The following WFDC11 variants were observed in gnomAD, a reference collection of about 807,000 sequenced individuals.
WFDC11 encodes the protein WAP four-disulfide core domain 11, also known as protein WFDC11.
In WFDC11, 9 loss-of-function variants were observed where a neutral mutation model predicts 9.9. That is an observed-to-expected ratio of 0.91 (90% CI 0.55 to 1.58). The LOEUF (loss-of-function observed/expected upper bound fraction) is 1.58. WFDC11 is among the 40% of genes most tolerant of loss of function. The pLI is 0.00. For synonymous variants in WFDC11, 32 were observed against 33.3 expected (o/e 0.96, Z 0.13); for missense variants, 106 against 101.7 (o/e 1.04, Z -0.18).
chr20:45,659,901 A>T (rs1473818096), intron 2 of WFDC11, among the ~76,000 whole-genome samples: 2 of 152,082 alleles, frequency 1.3e-5, no homozygotes, highest in Non-Finnish European at 2.9e-5. Flanking sequence ...TAAGGTTAAG[A>T]AAAGGATCCA....
chr20:45,669,953 A>G (rs1391103024), intron 1 of WFDC11, among the ~76,000 whole-genome samples: 1 of 152,140 alleles, frequency 6.6e-6, no homozygotes, highest in Non-Finnish European at 1.5e-5. Context: ...GAAAATCCAG[A>G]TAAACACAAT....
chr20:45,662,156 A>C (rs1983083466), intron 2 of WFDC11, among the ~76,000 whole-genome samples: 1 of 152,068 alleles, frequency 6.6e-6, no homozygotes, highest in African/African-American at 2.4e-5. Context: ...TTGGATACCT[A>C]GGTATTTTAT....
chr20:45,650,709 G>T, intron 2 of WFDC11, 58 bp from the exon 3 acceptor site: 1 of 906,220 alleles, frequency 1.1e-6, no homozygotes. Flanking sequence ...GAAAGTGCTT[G>T]TCGAATTTCT....
At chr20:45,655,821 C>A (rs1982917391) in intron 2 of WFDC11, among the ~76,000 whole-genome samples, 1 of 152,154 alleles carries the variant, frequency 6.6e-6, no homozygotes. Context: ...CATGAGTGAA[C>A]TCCCATTCAC....
rs571409176 is a variant in WFDC11, at chr20:45,660,903, A to G, written c.-52+6185T>C. ...CGTGTGCATGTGTCTTTATAGCAGC[A>G]TGACTTATATTCCTTTGGGTATATA... On this transcript the variant is annotated intron_variant, in intron 2 of 4. Transcript: ENST00000324384. Among the ~76,000 whole-genome samples, 839 of 152,314 alleles carry G rather than the reference A, an allele frequency of 5.5e-3. 6 individuals carry two copies. The highest frequency in any genetic ancestry group is 0.019 in the African/African-American group (805 of 41,566).
In WFDC11 at chr20:45,649,243, A is replaced by T; in HGVS notation, c.243+14T>A. 1.9e-6 allele frequency: 3 copies of T among 1,613,800 alleles called. No individual in the cohort carries two copies. Among genetic ancestry groups the T allele is most frequent in the South Asian group, 1.1e-5 (1 of 90,956 alleles). On this transcript the variant is annotated intron_variant, in intron 4 of 4. Transcript: ENST00000324384. Reference sequence around the variant, plus strand: ...AGTGAAGATATACACCCAAGCAAACATCTCCCAACTCACGACGTTTATCCA... The same window carrying T: ...AGTGAAGATATACACCCAAGCAAACTTCTCCCAACTCACGACGTTTATCCA...
chr20:45,657,098 A>ATTATAAATCATG (rs1462507328), intron 2 of WFDC11, among the ~76,000 whole-genome samples: 2 of 152,194 alleles, frequency 1.3e-5, no homozygotes, highest in Non-Finnish European at 2.9e-5. Context: ...TACCCAAAGG[A>ATTATAAATCATG]TTATAAATCA....
chr20:45,665,650 T>C lies in WFDC11; in HGVS notation c.-52+1438A>G, dbSNP rs1462467421. On this transcript the variant is annotated intron_variant, in intron 2 of 4. Transcript: ENST00000324384. ...GTTGATGCTATTCCTTTCTGTTTGT[T>C]AGTTTTCCTTCTAATAGTCAGGTCC... 2.6e-5 allele frequency among the ~76,000 whole-genome samples: 4 copies of C among 152,344 alleles called. No homozygotes were observed. In the East Asian group the frequency reaches 7.7e-4, roughly 29 times the overall value.
intron 2 of WFDC11, among the ~76,000 whole-genome samples, chr20:45,655,874 A>T (rs1201508912): frequency 6.6e-6 from 1 of 152,216 alleles, no homozygotes; most frequent in Non-Finnish European, 1.5e-5. Flanking sequence ...TCCAACTTAC[A>T]ATGGACATGA....
Position 45,657,139 on chromosome 20 carries a change from T to C in WFDC11, c.-51-6488A>G, listed in dbSNP as rs529287177. Among the ~76,000 whole-genome samples, 713 of 152,214 alleles carry C rather than the reference T, an allele frequency of 4.7e-3. 5 individuals are homozygous for C. The highest frequency in any genetic ancestry group is 0.016 in the African/African-American group (680 of 41,502). On this transcript the variant is annotated intron_variant, in intron 2 of 4. Coordinates refer to ENST00000324384, the MANE Select transcript of WFDC11 (RefSeq NM_147197.2). The stretch of plus-strand genomic sequence containing the variant: ...CTATAAAGACACATGCACACGTATG[T>C]TTATTGAGGCACTATTCACAATAGC...
At chr20:45,653,246 A>G (rs1982850745) in intron 2 of WFDC11, among the ~76,000 whole-genome samples, 1 of 152,220 alleles carries the variant, frequency 6.6e-6, no homozygotes, top group African/African-American at 2.4e-5. Context: ...GAAACTCTAC[A>G]AGCCAGAAGA....
At chr20:45,665,359 A>G (rs1249333354) in intron 2 of WFDC11, among the ~76,000 whole-genome samples, 4 of 152,194 alleles carry the variant, frequency 2.6e-5, no homozygotes, top group African/African-American at 7.2e-5. Context: ...ATGGGTTCAA[A>G]CATCCTCCTT....
chr20:45,658,888 G>A (rs1347677062), intron 2 of WFDC11, among the ~76,000 whole-genome samples: 2 of 146,230 alleles, frequency 1.4e-5, no homozygotes, highest in African/African-American at 5.0e-5. Flanking sequence ...CCGCCGACAG[G>A]CCCAGGTGTG....
At chr20:45,653,148 C>G (rs6130879) in intron 2 of WFDC11, among the ~76,000 whole-genome samples, 23,366 of 151,712 alleles carry the variant, frequency 0.15, 2,038 homozygotes, top group East Asian at 0.32. Context: ...AAGTTGAAAT[C>G]AAGGAAAAAA....
At chr20:45,655,321 A>G (rs564742079) in intron 2 of WFDC11, among the ~76,000 whole-genome samples, 1 of 152,344 alleles carries the variant, frequency 6.6e-6, no homozygotes, top group Admixed American at 6.5e-5. Flanking sequence ...AACATAACCA[A>G]CGACAAAAAC....
intron 2 of WFDC11, among the ~76,000 whole-genome samples, chr20:45,655,958 T>C (rs927869434): frequency 1.3e-5 from 2 of 152,100 alleles, no homozygotes; most frequent in African/African-American, 4.8e-5. Flanking sequence ...GGAATAACAT[T>C]CCATGCTCAT....
At chr20:45,648,832 A>G (rs1173482453) in intron 4 of WFDC11, 93 bp from the exon 5 acceptor site, 12 of 1,288,788 alleles carry the variant, frequency 9.3e-6, no homozygotes, top group Non-Finnish European at 1.2e-5. Context: ...TGTTCACCAG[A>G]CAATGGGACA....
At chr20:45,650,355 C>G in intron 3 of WFDC11, 146 bp downstream of exon 3, 2 of 633,472 alleles carry the variant, frequency 3.2e-6, no homozygotes, top group Non-Finnish European at 5.6e-6. Context: ...TCTTGAATCT[C>G]TGTGCATACA....
intron 2 of WFDC11, among the ~76,000 whole-genome samples, chr20:45,663,776 A>G (rs1983125578): frequency 6.6e-6 from 1 of 152,216 alleles, no homozygotes; most frequent in Admixed American, 6.5e-5. Context: ...ATTTGGTTGC[A>G]CTGTGGTCTG....
Sources: allele counts gnomAD v4.1 joint callset (sites outside exome capture counted in the v4.1 genomes callset), GRCh38; gene constraint gnomAD v4.1.1; transcripts MANE v1.5; gene names NCBI Gene and HGNC (gene_info 2026-07-23, HGNC 2026-07-21).